The following KIAA1217 variants were observed in gnomAD, a reference collection of about 807,000 sequenced individuals.
KIAA1217 encodes the protein sickle tail protein homolog.
KIAA1217 carries 88 observed loss-of-function variants against 163.9 expected under a neutral mutation model. That is an observed-to-expected ratio of 0.54 (90% CI 0.45 to 0.64). The LOEUF (loss-of-function observed/expected upper bound fraction) is 0.64, where lower values mean the gene tolerates loss of function less well. KIAA1217 is among the 30% of genes least tolerant of loss of function. The probability of loss-of-function intolerance (pLI) is 0.00; values close to 1 mark genes in which losing one functional copy is unlikely to be tolerated. For missense variants in KIAA1217, 2,372 were observed against 2,475.0 expected (o/e 0.96, Z 0.88); for synonymous variants, 903 against 923.1 (o/e 0.98, Z 0.39).
At chr10:23,831,320 C>G (rs781039319) in intron 1 of KIAA1217, among the ~76,000 whole-genome samples, 1 of 149,850 alleles carries the variant, frequency 6.7e-6, no homozygotes, top group African/African-American at 2.5e-5. Context: ...AAAAAACAAA[C>G]AAACAAACAA....
At chr10:24,156,825 T>G (rs1282630745) in intron 2 of KIAA1217, among the ~76,000 whole-genome samples, 2 of 152,200 alleles carry the variant, frequency 1.3e-5, no homozygotes, top group Non-Finnish European at 2.9e-5. Context: ...AAGGCTCATG[T>G]TTTCCCCTGG....
chr10:24,528,063 C>G lies in KIAA1217; in HGVS notation c.3026C>G (p.Pro1009Arg). 1 of 1,614,122 alleles carries G rather than the reference C, an allele frequency of 6.2e-7. No homozygotes were observed. Residue 1009 changes from proline (P) to arginine (R), a missense_variant, in exon 14 of 21, where the codon CCA (proline) becomes CGA (arginine). Coordinates refer to ENST00000376454, the MANE Select transcript of KIAA1217 (RefSeq NM_019590.5). ...TCAATACCAAATCTGGAGATGCCGC[C>G]AGCCACAGGCCCACTGCCAAGGGGA... Reference protein sequence around the residue: ...MKSIPNLEMPPATGPLPRGDA... With the variant: ...MKSIPNLEMPRATGPLPRGDA...
upstream of KIAA1217, chr10:24,208,945 G>C (rs1397732930): frequency 8.7e-6 from 3 of 346,170 alleles, no homozygotes; most frequent in Non-Finnish European, 1.6e-5. Flanking sequence ...GAGGACGGAC[G>C]GACGGACGGA....
intron 2 of KIAA1217, among the ~76,000 whole-genome samples, chr10:24,035,141 G>A (rs747992669): frequency 1.3e-5 from 2 of 152,192 alleles, no homozygotes; most frequent in South Asian, 2.1e-4. Flanking sequence ...CTTAGTATCC[G>A]TGAGATCTTG....
At chr10:24,370,292 T>A (rs7907570) in intron 2 of KIAA1217, among the ~76,000 whole-genome samples, 1,754 of 137,798 alleles carry the variant, frequency 0.013, 44 homozygotes, top group African/African-American at 0.045. Flanking sequence ...AAAAGACATC[T>A]ACCCTAAGGT....
chr10:24,418,658 T>G (rs897615171), intron 3 of KIAA1217, among the ~76,000 whole-genome samples: 3 of 152,104 alleles, frequency 2.0e-5, no homozygotes, highest in Admixed American at 1.3e-4. Flanking sequence ...AAGTCCATAA[T>G]CTCTGCGCCT....
At chr10:24,315,312 A>C (rs189266578) in intron 2 of KIAA1217, among the ~76,000 whole-genome samples, 1 of 152,288 alleles carries the variant, frequency 6.6e-6, no homozygotes, top group East Asian at 1.9e-4. Context: ...AAGGAGCCCA[A>C]ATTTCACAGA....
chr10:23,842,395 A>G (rs755395536), intron 1 of KIAA1217, among the ~76,000 whole-genome samples: 6 of 152,294 alleles, frequency 3.9e-5, no homozygotes, highest in Non-Finnish European at 8.8e-5. Context: ...AACCACAGTC[A>G]TTATACAGAT....
intron 1 of KIAA1217, among the ~76,000 whole-genome samples, chr10:23,784,491 TG>T (rs1835401268): frequency 1.3e-5 from 2 of 152,096 alleles, no homozygotes; most frequent in Non-Finnish European, 2.9e-5. Flanking sequence ...TTGTTTTCTG[TG>T]GGGTTTTTTT....
chr10:23,829,041 TC>T (rs1192088918), intron 1 of KIAA1217, among the ~76,000 whole-genome samples: 1 of 152,140 alleles, frequency 6.6e-6, no homozygotes, highest in African/African-American at 2.4e-5. Context: ...ATATGCAAAA[TC>T]CCTTTTCCTA....
intron 2 of KIAA1217, among the ~76,000 whole-genome samples, chr10:24,162,412 G>A (rs1291666806): frequency 1.3e-5 from 2 of 152,206 alleles, no homozygotes; most frequent in Non-Finnish European, 2.9e-5. Flanking sequence ...TTGAGGAGGC[G>A]TTGTTGGCAT....
At position 24,151,576 on chromosome 10, in the gene KIAA1217, G is replaced by T. The variant is rs564708183; in HGVS notation, c.-170-68050G>T. Among the ~76,000 whole-genome samples, 18 of 151,142 alleles carry T rather than the reference G, an allele frequency of 1.2e-4. No individual in the cohort carries two copies. In the South Asian group the frequency reaches 3.6e-3, roughly 30 times the overall value. ...CTAGGTGTGTGTGTGCTTCAGAGTTGATGCGTAAGAATTCAGAAGGACTTG... is the reference window on the plus strand; with the variant it reads ...CTAGGTGTGTGTGTGCTTCAGAGTTTATGCGTAAGAATTCAGAAGGACTTG... On this transcript the variant is annotated intron_variant, in intron 2 of 18. Transcript: ENST00000376462.
chr10:23,884,116 G>A (rs1039948798), intron 1 of KIAA1217, among the ~76,000 whole-genome samples: 9 of 151,822 alleles, frequency 5.9e-5, no homozygotes, highest in African/African-American at 2.2e-4. Flanking sequence ...ACTCCTTTGG[G>A]TAAATGCCAA....
chr10:23,719,846 G>A (rs1265511276), intron 1 of KIAA1217, among the ~76,000 whole-genome samples: 3 of 150,406 alleles, frequency 2.0e-5, no homozygotes, highest in Non-Finnish European at 3.0e-5. Context: ...CCTGGGAGGT[G>A]GAGGTTGCAG....
chr10:24,203,545 G>A (rs1207162800), intron 2 of KIAA1217, among the ~76,000 whole-genome samples: 3 of 149,812 alleles, frequency 2.0e-5, no homozygotes, highest in Non-Finnish European at 3.0e-5. Context: ...CTTCCTTCTT[G>A]CTCCCCCTAC....
chr10:24,443,559 G>GA (rs1376816229), intron 5 of KIAA1217, among the ~76,000 whole-genome samples: 1 of 150,804 alleles, frequency 6.6e-6, no homozygotes, highest in Non-Finnish European at 1.5e-5. Flanking sequence ...TTGCAGTCAT[G>GA]AAAAAAAAGT....
chr10:24,233,213 A>C (rs2071703763), intron 2 of KIAA1217, among the ~76,000 whole-genome samples: 1 of 152,200 alleles, frequency 6.6e-6, no homozygotes, highest in Non-Finnish European at 1.5e-5. Flanking sequence ...CATGACCAAA[A>C]GGGGAGCCTC....
chr10:24,192,407 C>G (rs2066765328), intron 2 of KIAA1217, among the ~76,000 whole-genome samples: 1 of 152,148 alleles, frequency 6.6e-6, no homozygotes, highest in Admixed American at 6.5e-5. Context: ...TGCAAGAAAC[C>G]TTCCTGCTTC....
intron 19 of KIAA1217, 84 bp from the exon 20 acceptor site, chr10:24,544,897 C>T (rs1464424792): frequency 6.1e-6 from 9 of 1,473,832 alleles, no homozygotes; most frequent in Non-Finnish European, 8.4e-6. Context: ...CCTTGAGCTT[C>T]TCTGCACATC....
Sources: allele counts gnomAD v4.1 joint callset (sites outside exome capture counted in the v4.1 genomes callset), GRCh38; gene constraint gnomAD v4.1.1; transcripts MANE v1.5; gene names NCBI Gene and HGNC (gene_info 2026-07-23, HGNC 2026-07-21).